The following IPO13 variants were observed in gnomAD, a reference collection of about 807,000 sequenced individuals.
IPO13 encodes the protein importin-13.
In IPO13, 28 loss-of-function variants were observed where a neutral mutation model predicts 115.5. That is an observed-to-expected ratio of 0.24 (90% confidence interval 0.18 to 0.33). The LOEUF is 0.33. Among genes scored for constraint, IPO13 ranks in the 10% least tolerant of loss-of-function variants. The probability of loss-of-function intolerance (pLI) is 1.00; values close to 1 mark genes in which losing one functional copy is unlikely to be tolerated. For missense variants in IPO13, 785 were observed against 1,204.6 expected (o/e 0.65, Z 5.16); for synonymous variants, 414 against 478.9 (o/e 0.86, Z 1.77).
In IPO13 at chr1:43,964,282, T is replaced by C; in HGVS notation, c.2358T>C (p.His786=). 1 of 1,610,102 alleles carries C rather than the reference T, an allele frequency of 6.2e-7. No individual in the cohort carries two copies. Among genetic ancestry groups the C allele is most frequent in the Non-Finnish European group, 8.5e-7 (1 of 1,176,742 alleles). The stretch of plus-strand genomic sequence containing the variant: ...ATTATATTTTAGGGCCCAGGGATCA[T>C]CCTGATATTGTTGATTCATTTATGC... ...LTLFQQGPRD[H]PDIVDSFMQL... The change falls in exon 15 of 20, where the codon CAT becomes CAC. Residue 786 remains histidine (H), a synonymous_variant. Coordinates refer to ENST00000372343, the MANE Select transcript of IPO13 (RefSeq NM_014652.4).
chr1:43,967,622 G>A lies in IPO13; in HGVS notation c.2832G>A (p.Val944=). Residue 944 remains valine, a synonymous_variant, in exon 20 of 20, where the codon GTG becomes GTA. Coordinates refer to ENST00000372343, the MANE Select transcript of IPO13 (RefSeq NM_014652.4). The surrounding 1 kb of genome is among the most constrained non-coding windows in gnomAD (Gnocchi z 6.1). ...RVNKRRVKEM[V]KEFTLLCRGL... is the part of the protein sequence containing the mutation. ...ACAAGAGGCGGGTGAAGGAGATGGT[G>A]AAGGAGTTCACACTGCTGTGCCGGG... 2 of 1,614,234 alleles carry A rather than the reference G, an allele frequency of 1.2e-6. No homozygotes were observed. Among genetic ancestry groups the A allele is most frequent in the Non-Finnish European group, 1.7e-6 (2 of 1,180,040 alleles).
At position 43,961,270 on chromosome 1, in the gene IPO13, C is replaced by G. The variant is rs771477378; in HGVS notation, c.2344+8C>G. On this transcript the variant is annotated splice_region_variant and intron_variant, in intron 14 of 19. Coordinates refer to ENST00000372343, the MANE Select transcript of IPO13 (RefSeq NM_014652.4). ...TCACTCTCTTCCAGCAAGGTAGGTC[C>G]TGACCGGGGTCTCTGCTGCTGCTGC... 6.2e-7 allele frequency: 1 copy of G among 1,607,158 alleles called. No individual in the cohort carries two copies. The highest frequency in any genetic ancestry group is 1.3e-5 in the African/African-American group (1 of 74,882).
Position 43,967,712 on chromosome 1 carries a change from C to G in IPO13, c.*30C>G, listed in dbSNP as rs116387275. On this transcript the variant is annotated 3_prime_UTR_variant, in exon 20 of 20. Transcript: ENST00000372343. The surrounding 1 kb of genome is among the most constrained non-coding windows in gnomAD (Gnocchi z 6.1). ...TGCCCCCATCCCATCCACCCCTTCT[C>G]TTCATCCTTCCCTATTCCCAAAGAG... 6.3e-7 allele frequency: 1 copy of G among 1,588,808 alleles called. No homozygotes were observed. Among genetic ancestry groups the G allele is most frequent in the African/African-American group, 1.3e-5 (1 of 74,368 alleles).
chr1:43,964,222 G>C (rs765066296), intron 14 of IPO13, 47 bp from the exon 15 acceptor site: 1 of 1,330,704 alleles, frequency 7.5e-7, no homozygotes. Context: ...AGGTTGAGTT[G>C]CTGTTTGTAT....
At chr1:43,965,654 G>T (rs1306013874) in intron 15 of IPO13, among the ~76,000 whole-genome samples, 1 of 151,808 alleles carries the variant, frequency 6.6e-6, no homozygotes, top group East Asian at 1.9e-4. Context: ...GTGTAATGAG[G>T]GTGTGTTCCA....
At chr1:43,960,771 G>T (rs1198863441) in intron 12 of IPO13, 105 bp from the exon 13 acceptor site, 1 of 1,437,840 alleles carries the variant, frequency 7.0e-7, no homozygotes. Flanking sequence ...GCCAGGCAAG[G>T]CTTATAGGTA....
chr1:43,946,995 G>A lies in IPO13; in HGVS notation c.-606G>A, dbSNP rs2085170510. On this transcript the variant is annotated 5_prime_UTR_variant, in exon 1 of 20. Coordinates refer to ENST00000372343, the MANE Select transcript of IPO13 (RefSeq NM_014652.4). Reference sequence around the variant, plus strand: ...GGGCGGAGGCAGCGGCTGTAGCGGGGCTGTAGCCGGGCGTTGAGCACAGCG... The same window carrying A: ...GGGCGGAGGCAGCGGCTGTAGCGGGACTGTAGCCGGGCGTTGAGCACAGCG... 1 of 398,596 alleles carries A rather than the reference G, an allele frequency of 2.5e-6. No individual in the cohort carries two copies. The highest frequency in any genetic ancestry group is 4.4e-5 in the Admixed American group (1 of 22,724). The allele number at this position is 398,596 out of a possible 1,614,324, so 24.7% of individuals were successfully genotyped here.
rs80320144 is a variant in IPO13 at position 43,950,301 on chromosome 1, C to T, written c.821+148C>T. 1.5e-3 allele frequency: 1,355 copies of T among 891,246 alleles called. 28 individuals are homozygous for T. In the East Asian group the frequency reaches 0.032, roughly 21 times the overall value. The allele number at this position is 891,246 out of a possible 1,614,324, so 55.2% of individuals were successfully genotyped here. On this transcript the variant is annotated intron_variant, in intron 2 of 19. Transcript: ENST00000372343. Reference sequence around the variant, plus strand: ...GCAAGGAACCAAAGAAGACATGGTCCCTGTCCTCATGGTTCAGACAGGGAG... The same window carrying T: ...GCAAGGAACCAAAGAAGACATGGTCTCTGTCCTCATGGTTCAGACAGGGAG...
chr1:43,963,167 G>A lies in IPO13; in HGVS notation c.2345-1102G>A, dbSNP rs530551795. ...AGAGATTATCTGCTTTACAGATGGG[G>A]AAACTGAGCATTTGTGGCTTGCGCA... On this transcript the variant is annotated intron_variant, in intron 14 of 19. Coordinates refer to ENST00000372343, the MANE Select transcript of IPO13 (RefSeq NM_014652.4). 4.2e-4 allele frequency among the ~76,000 whole-genome samples: 64 copies of A among 152,368 alleles called. 1 individual carries two copies. The South Asian group carries it at 0.013, about 30-fold the overall frequency.
At position 43,958,533 on chromosome 1, in the gene IPO13, A is replaced by G. The variant is rs1399683897; in HGVS notation, c.1822A>G (p.Lys608Glu). ...LSALQVEEIL[K>E]NLHSLISPYI... Reference sequence around the variant, plus strand: ...AGCTCTTCAAGTGGAGGAGATCCTTAAGAACCTGCACTCGCTTATCTCACC... The same window carrying G: ...AGCTCTTCAAGTGGAGGAGATCCTTGAGAACCTGCACTCGCTTATCTCACC... The change falls in exon 10 of 20, where the codon AAG (lysine) becomes GAG (glutamate). Residue 608 changes from lysine (K) to glutamate (E), a missense_variant. By Grantham distance (56) the Lys-to-Glu change is moderately conservative (BLOSUM62 1). Around this residue, in one of 3 missense-constraint regions of IPO13, gnomAD observed 175 missense variants for 360.0 expected, o/e 0.49. Transcript: ENST00000372343. The surrounding 1 kb of genome is among the most constrained non-coding windows in gnomAD (Gnocchi z 6.3). 1 of 1,614,090 alleles carries G rather than the reference A, an allele frequency of 6.2e-7. No individual in the cohort carries two copies. The highest frequency in any genetic ancestry group is 1.7e-5 in the Admixed American group (1 of 60,022).
rs910733278 is a variant in IPO13, at chr1:43,966,240, T to G, written c.2398-335T>G. Reference sequence around the variant, plus strand: ...CTGTGAATCAACATGAAGTCACTGCTGGCAACCTAGAGCCTGCGAGACATC... The same window carrying G: ...CTGTGAATCAACATGAAGTCACTGCGGGCAACCTAGAGCCTGCGAGACATC... On this transcript the variant is annotated intron_variant, in intron 15 of 19. Coordinates refer to ENST00000372343, the MANE Select transcript of IPO13 (RefSeq NM_014652.4). The surrounding 1 kb of genome is among the most constrained non-coding windows in gnomAD (Gnocchi z 4.1). 1.2e-4 allele frequency: 52 copies of G among 436,276 alleles called. No individual in the cohort carries two copies. Among genetic ancestry groups the G allele is most frequent in the Admixed American group, 1.4e-4 (4 of 28,592 alleles). 27.0% of individuals were successfully genotyped at this position (436,276 alleles called of 1,614,324 possible). A position where few individuals can be genotyped will look rare whatever the true frequency, so the allele number is the denominator to read the frequency against.
rs1455993188 is a variant in IPO13, at chr1:43,966,262, C to T, written c.2398-313C>T. 1 of 486,438 alleles carries T rather than the reference C, an allele frequency of 2.1e-6. No homozygotes were observed. Among genetic ancestry groups the T allele is most frequent in the East Asian group, 3.9e-5 (1 of 25,974 alleles). The allele number at this position is 486,438 out of a possible 1,614,324, so 30.1% of individuals were successfully genotyped here. On this transcript the variant is annotated intron_variant, in intron 15 of 19. Transcript: ENST00000372343. The surrounding 1 kb of genome is among the most constrained non-coding windows in gnomAD (Gnocchi z 4.1). ...TGCTGGCAACCTAGAGCCTGCGAGACATCTGGCCCTGATGGAGGGGGAGGG... is the reference window on the plus strand; with the variant it reads ...TGCTGGCAACCTAGAGCCTGCGAGATATCTGGCCCTGATGGAGGGGGAGGG...
chr1:43,967,539 G>C lies in IPO13; in HGVS notation c.2795+43G>C. 1 of 1,614,112 alleles carries C rather than the reference G, an allele frequency of 6.2e-7. No homozygotes were observed. Among genetic ancestry groups the C allele is most frequent in the Non-Finnish European group, 8.5e-7 (1 of 1,179,956 alleles). ...GGGCCTGGGGTCAGGCAGAGAGGGG[G>C]CAGTGGTGGTGGCTGGTGCTAACCT... On this transcript the variant is annotated intron_variant, in intron 19 of 19. Coordinates refer to ENST00000372343, the MANE Select transcript of IPO13 (RefSeq NM_014652.4). The surrounding 1 kb of genome is among the most constrained non-coding windows in gnomAD (Gnocchi z 6.1).
intron 14 of IPO13, among the ~76,000 whole-genome samples, chr1:43,964,009 G>A (rs1308184427): frequency 6.6e-6 from 1 of 152,248 alleles, no homozygotes; most frequent in African/African-American, 2.4e-5. Context: ...AACATGAGGG[G>A]ATGGCCTGAG....
chr1:43,947,128 C>A lies in IPO13; in HGVS notation c.-473C>A. 2.5e-6 allele frequency: 1 copy of A among 398,974 alleles called. No homozygotes were observed. Among genetic ancestry groups the A allele is most frequent in the Non-Finnish European group, 4.4e-6 (1 of 226,322 alleles). 24.7% of individuals were successfully genotyped at this position (398,974 alleles called of 1,614,324 possible). A position where few individuals can be genotyped will look rare whatever the true frequency, so the allele number is the denominator to read the frequency against. On this transcript the variant is annotated 5_prime_UTR_variant, in exon 1 of 20. Coordinates refer to ENST00000372343, the MANE Select transcript of IPO13 (RefSeq NM_014652.4). ...CGCGCTTCGTTGGACGCCTCCGTAA[C>A]CACGAAGGGCTCTCTCTCTCCCGTG...
In IPO13 at chr1:43,967,970, T is replaced by C; in HGVS notation, c.*288T>C. 7.6e-6 allele frequency: 4 copies of C among 523,468 alleles called. No individual in the cohort carries two copies. Among genetic ancestry groups the C allele is most frequent in the Non-Finnish European group, 1.4e-5 (4 of 290,316 alleles). 32.4% of individuals were successfully genotyped at this position (523,468 alleles called of 1,614,324 possible). A position where few individuals can be genotyped will look rare whatever the true frequency, so the allele number is the denominator to read the frequency against. On this transcript the variant is annotated 3_prime_UTR_variant, in exon 20 of 20. Transcript: ENST00000372343. The surrounding 1 kb of genome is among the most constrained non-coding windows in gnomAD (Gnocchi z 6.1). ...TGTCATTGTCCTTGGGGCGGGGTGG[T>C]TGCAGTAGTGTCATCAACCCCCCCA...
rs2085195162 is a variant in IPO13 at position 43,949,918 on chromosome 1, G to A, written c.586G>A (p.Val196Met). ...RKGLVRTSLAVECGAVFPLLE... is the reference protein window; with the variant it reads ...RKGLVRTSLAMECGAVFPLLE... ...AGGCCTGGTGCGGACCAGCCTGGCG[G>A]TGGAATGTGGGGCTGTCTTCCCGCT... is the stretch of plus-strand genomic sequence containing the variant. The change falls in exon 2 of 20, where the codon GTG (valine) becomes ATG (methionine). Residue 196 changes from valine to methionine, a missense_variant. Around this residue, in one of 3 missense-constraint regions of IPO13, gnomAD observed 325 missense variants for 449.8 expected, o/e 0.72. Coordinates refer to ENST00000372343, the MANE Select transcript of IPO13 (RefSeq NM_014652.4). 8.1e-6 allele frequency: 13 copies of A among 1,610,114 alleles called. No individual in the cohort carries two copies. The highest frequency in any genetic ancestry group is 1.7e-5 in the Admixed American group (1 of 59,934).
At chr1:43,950,577 T>G (rs1233931927) in intron 2 of IPO13, among the ~76,000 whole-genome samples, 3 of 152,152 alleles carry the variant, frequency 2.0e-5, no homozygotes, top group African/African-American at 7.2e-5. Flanking sequence ...AAAATGGGGA[T>G]CTAATCTTTC....
At chr1:43,957,668 T>G in intron 7 of IPO13, 119 bp downstream of exon 7, 1 of 1,273,400 alleles carries the variant, frequency 7.9e-7, no homozygotes, top group Non-Finnish European at 1.1e-6. Context: ...ACACAATCAG[T>G]GTTGTAACAA....
Sources: gnomAD v4.1 joint callset for allele counts (sites outside exome capture counted in the v4.1 genomes callset) on GRCh38, gnomAD v4.1.1 for gene constraint, gnomAD v4.1.1 regional missense constraint, Gnocchi (gnomAD v3.1) non-coding constraint, MANE v1.5 for transcripts, NCBI Gene and HGNC (gene_info 2026-07-23, HGNC 2026-07-21) for gene names.